Variants in SRPK2 observed in about 807,000 individuals in gnomAD.
The protein encoded by SRPK2 is SRSF protein kinase 2.
Under a neutral mutation model 90.8 loss-of-function variants are expected in SRPK2, and 21 were observed. That is an observed-to-expected ratio of 0.23 (90% confidence interval 0.16 to 0.33). The LOEUF (loss-of-function observed/expected upper bound fraction) is 0.33. Among genes scored for constraint, SRPK2 ranks in the 10% least tolerant of loss-of-function variants. The probability of loss-of-function intolerance (pLI) is 1.00; values close to 1 mark genes in which losing one functional copy is unlikely to be tolerated. For synonymous variants in SRPK2, 288 were observed against 311.1 expected (o/e 0.93, Z 0.78); for missense variants, 620 against 869.0 (o/e 0.71, Z 3.60).
intron 2 of SRPK2, among the ~76,000 whole-genome samples, chr7:105,216,506 TAGC>T (rs1414740338): frequency 6.6e-6 from 1 of 152,010 alleles, no homozygotes; most frequent in Non-Finnish European, 1.5e-5. Context: ...ATACAAGTAT[TAGC>T]AGGGCATGGT....
intron 2 of SRPK2, among the ~76,000 whole-genome samples, chr7:105,285,659 T>C (rs971105065): frequency 6.6e-6 from 1 of 152,108 alleles, no homozygotes; most frequent in African/African-American, 2.4e-5. Flanking sequence ...TGAGTTCACA[T>C]GAGATCTGAT....
intron 2 of SRPK2, among the ~76,000 whole-genome samples, chr7:105,316,176 C>A (rs1230074214): frequency 6.6e-6 from 1 of 152,092 alleles, no homozygotes; most frequent in South Asian, 2.1e-4. Flanking sequence ...GGGCACCCGC[C>A]ATGATGCCCA....
At chr7:105,354,572 C>T (rs1053633372) in intron 2 of SRPK2, among the ~76,000 whole-genome samples, 6 of 152,186 alleles carry the variant, frequency 3.9e-5, no homozygotes, top group South Asian at 4.1e-4. Context: ...CATAGCAATG[C>T]AAGAGATCAC....
In SRPK2 at chr7:105,192,131, T is replaced by C. The variant is rs536896231; in HGVS notation, c.229+11497A>G. Among the ~76,000 whole-genome samples, 9 of 152,118 alleles carry C rather than the reference T, an allele frequency of 5.9e-5. No homozygotes were observed. The South Asian group carries it at 1.5e-3, about 25-fold the overall frequency. On this transcript the variant is annotated intron_variant, in intron 3 of 15. Coordinates refer to ENST00000393651, the MANE Select transcript of SRPK2 (RefSeq NM_182692.3). Reference sequence around the variant, plus strand: ...ACATGAGTAAGTTCTTTAGTGGTGATTTGTGAGATTTTGGTGCACCCATCA... The same window carrying C: ...ACATGAGTAAGTTCTTTAGTGGTGACTTGTGAGATTTTGGTGCACCCATCA...
chr7:105,313,696 A>G (rs1470471962), intron 2 of SRPK2, among the ~76,000 whole-genome samples: 2 of 152,156 alleles, frequency 1.3e-5, no homozygotes, highest in Non-Finnish European at 2.9e-5. Context: ...GGTTGCAGTC[A>G]GCAAAGATTG....
chr7:105,294,340 G>C (rs1809491255), intron 2 of SRPK2, among the ~76,000 whole-genome samples: 1 of 152,096 alleles, frequency 6.6e-6, no homozygotes, highest in Admixed American at 6.5e-5. Context: ...TATTTAGCAA[G>C]GTATGAATCC....
chr7:105,246,069 C>A (rs1158238738), intron 2 of SRPK2, among the ~76,000 whole-genome samples: 1 of 152,152 alleles, frequency 6.6e-6, no homozygotes, highest in Non-Finnish European at 1.5e-5. Flanking sequence ...AAGGTTACAT[C>A]GGCAAAAATC....
intron 2 of SRPK2, among the ~76,000 whole-genome samples, chr7:105,285,725 G>A (rs1045129094): frequency 7.2e-5 from 11 of 152,074 alleles, no homozygotes; most frequent in African/African-American, 1.7e-4. Flanking sequence ...CTCTTACCAC[G>A]CAACCCATCT....
intron 2 of SRPK2, among the ~76,000 whole-genome samples, chr7:105,333,288 A>T (rs1217674012): frequency 6.6e-6 from 1 of 152,242 alleles, no homozygotes; most frequent in Non-Finnish European, 1.5e-5. Context: ...AAATTATAAC[A>T]ATATAGGTTG....
chr7:105,188,654 G>A (rs760903977), intron 3 of SRPK2, among the ~76,000 whole-genome samples: 30 of 152,058 alleles, frequency 2.0e-4, no homozygotes, highest in Non-Finnish European at 3.8e-4. Context: ...AAAACAAAGA[G>A]GAAAAAATTT....
chr7:105,212,488 T>C (rs879847922), intron 2 of SRPK2, among the ~76,000 whole-genome samples: 3 of 151,914 alleles, frequency 2.0e-5, no homozygotes, highest in Non-Finnish European at 4.4e-5. Context: ...AACCACATCA[T>C]CAAAAGCACA....
At chr7:105,236,529 A>T (rs1408966968) in intron 2 of SRPK2, among the ~76,000 whole-genome samples, 1 of 152,154 alleles carries the variant, frequency 6.6e-6, no homozygotes, top group East Asian at 1.9e-4. Context: ...AAGGGGGAAA[A>T]TAGGTTTTAT....
chr7:105,192,986 G>A (rs1438488275), intron 3 of SRPK2, among the ~76,000 whole-genome samples: 3 of 151,960 alleles, frequency 2.0e-5, no homozygotes. Context: ...CTACGCTTTC[G>A]GTTGTCTGTT....
At chr7:105,126,407 A>T in intron 14 of SRPK2, 67 bp from the exon 15 acceptor site, 3 of 1,198,318 alleles carry the variant, frequency 2.5e-6, no homozygotes, top group Non-Finnish European at 3.7e-6. Flanking sequence ...ATAAAAGAAG[A>T]GGGAAAAATT....
At chr7:105,128,043 A>T (rs1801454245) in intron 13 of SRPK2, among the ~76,000 whole-genome samples, 1 of 151,982 alleles carries the variant, frequency 6.6e-6, no homozygotes, top group South Asian at 2.1e-4. Flanking sequence ...CAATGACCAC[A>T]CAGTGCTGGA....
intron 6 of SRPK2, among the ~76,000 whole-genome samples, chr7:105,166,590 G>C (rs1036681429): frequency 6.6e-6 from 1 of 152,174 alleles, no homozygotes; most frequent in African/African-American, 2.4e-5. Flanking sequence ...ATTTACTGTA[G>C]TATGATCTCT....
At chr7:105,307,209 C>A (rs1811237889) in intron 2 of SRPK2, among the ~76,000 whole-genome samples, 2 of 152,078 alleles carry the variant, frequency 1.3e-5, no homozygotes, top group Admixed American at 1.3e-4. Flanking sequence ...TTTTGGTACT[C>A]CTACTACTGA....
In SRPK2 at chr7:105,301,778, A is replaced by T; in HGVS notation, c.71+86870T>A. ...AGAGTATATTAGCCAAGTTACAGGA[A>T]GCAGTAGAAGCTAATCTTGGAACCG... On this transcript the variant is annotated intron_variant, in intron 2 of 15. Coordinates refer to ENST00000393651, the MANE Select transcript of SRPK2 (RefSeq NM_182692.3). The T allele has an allele frequency of 6.3e-6, 10 of 1,581,100 alleles. No individual in the cohort carries two copies. The South Asian group carries it at 1.1e-4, about 18-fold the overall frequency.
In SRPK2 at chr7:105,132,797, C is replaced by T. The variant is rs371115678; in HGVS notation, c.1746G>A (p.Ala582=). 353 of 1,606,798 alleles carry T rather than the reference C, an allele frequency of 2.2e-4. 7 individuals are homozygous for T. The South Asian group carries it at 3.4e-3, about 15-fold the overall frequency. Residue 582 remains alanine, a synonymous_variant, in exon 13 of 16, where the codon GCG becomes GCA. Coordinates refer to ENST00000393651, the MANE Select transcript of SRPK2 (RefSeq NM_182692.3). ...AGGGCACAGCCGTCCTTACCATACA[C>T]GCCGTGCTCCAGATGTCCGCAGGGG... ...YSTPADIWST[A]CMAFELATGD...
Sources: allele counts gnomAD v4.1 joint callset (sites outside exome capture counted in the v4.1 genomes callset), GRCh38; gene constraint gnomAD v4.1.1; transcripts MANE v1.5; gene names NCBI Gene and HGNC (gene_info 2026-07-23, HGNC 2026-07-21).